MYL12B: variants seen among roughly 807,000 people sequenced by gnomAD.
MYL12B encodes myosin regulatory light chain 12B.
MYL12B carries 3 observed loss-of-function variants against 12.9 expected under a neutral mutation model. That is an observed-to-expected ratio of 0.23 (90% CI 0.11 to 0.60). The LOEUF is 0.60. MYL12B is among the 20% of genes least tolerant of loss of function. The pLI, the probability that MYL12B is intolerant of heterozygous loss-of-function variation, is 0.89. For missense variants in MYL12B, 120 were observed against 215.4 expected, an observed-to-expected ratio of 0.56 and a Z score of 2.77; for synonymous variants, 57 against 71.9, an observed-to-expected ratio of 0.79 and a Z score of 1.05.
intron 2 of MYL12B, 69 bp from the exon 3 acceptor site, chr18:3,277,184 A>C (rs913356421): frequency 1.4e-6 from 2 of 1,402,010 alleles, no homozygotes; most frequent in African/African-American, 2.9e-5. Context: ...TGGGGAGCAT[A>C]ATAATAGTGA....
intron 1 of MYL12B, among the ~76,000 whole-genome samples, chr18:3,269,836 G>C (rs1024014862): frequency 6.6e-6 from 1 of 152,234 alleles, no homozygotes; most frequent in African/African-American, 2.4e-5. Flanking sequence ...AACTGAGCTA[G>C]AGTAAGTCAA....
intron 1 of MYL12B, among the ~76,000 whole-genome samples, chr18:3,266,727 G>T (rs1475421708): frequency 6.6e-6 from 1 of 152,176 alleles, no homozygotes; most frequent in Non-Finnish European, 1.5e-5. Flanking sequence ...TATGTAAAAT[G>T]TTCAGTTTTT....
chr18:3,263,632 G>A (rs562764714), intron 1 of MYL12B, among the ~76,000 whole-genome samples: 14 of 152,218 alleles, frequency 9.2e-5, no homozygotes, highest in Non-Finnish European at 2.1e-4. Flanking sequence ...TTAGAGCCCC[G>A]ACATGGGGCT....
chr18:3,268,543 C>A (rs909665659), intron 1 of MYL12B, among the ~76,000 whole-genome samples: 2 of 152,196 alleles, frequency 1.3e-5, no homozygotes, highest in Non-Finnish European at 2.9e-5. Context: ...GAGTGCCACT[C>A]ACATTTCATT....
At chr18:3,274,334 C>T (rs936781197) in intron 2 of MYL12B, among the ~76,000 whole-genome samples, 1 of 152,190 alleles carries the variant, frequency 6.6e-6, no homozygotes, top group Non-Finnish European at 1.5e-5. Context: ...ATGGTAGAGT[C>T]AGAGGTTGTC....
chr18:3,277,542 C>T, intron 3 of MYL12B, 128 bp downstream of exon 3: 3 of 1,420,684 alleles, frequency 2.1e-6, no homozygotes, highest in Non-Finnish European at 2.8e-6. Context: ...AGCATATGAT[C>T]TGTTTCTGAG....
At chr18:3,276,661 A>G (rs1484876699) in intron 2 of MYL12B, 2 of 661,790 alleles carry the variant, frequency 3.0e-6, no homozygotes, top group African/African-American at 3.9e-5. Flanking sequence ...CATCTGTACC[A>G]CAACTGGAAG....
intron 2 of MYL12B, among the ~76,000 whole-genome samples, chr18:3,274,160 G>T (rs575563183): frequency 6.6e-6 from 1 of 152,238 alleles, no homozygotes; most frequent in Non-Finnish European, 1.5e-5. Flanking sequence ...ATAACCTAGT[G>T]TTTCTCACAT....
Position 3,273,081 on chromosome 18 carries a change from A to G in MYL12B, c.183A>G (p.Leu61=). The G allele has an allele frequency of 6.3e-7, 1 of 1,588,248 alleles. No homozygotes were observed. The highest frequency in any genetic ancestry group is 1.4e-5 in the African/African-American group (1 of 73,812). The change falls in exon 2 of 4, where the codon CTA becomes CTG. Residue 61 remains leucine (L), a splice_region_variant and synonymous_variant. Transcript: ENST00000237500. ...KEDLHDMLAS[L]GKNPTDAYLD... ...ATTTGCATGATATGCTTGCTTCTCT[A>G]GGTAGACTTTATATTCTTTATTTGT...
chr18:3,271,809 A>G (rs944351106), intron 1 of MYL12B, among the ~76,000 whole-genome samples: 4 of 152,018 alleles, frequency 2.6e-5, no homozygotes, highest in Admixed American at 6.6e-5. Flanking sequence ...TGAAATGACA[A>G]GTGCCTTTTC....
intron 1 of MYL12B, chr18:3,272,130 T>G (rs1355789778): frequency 2.0e-6 from 2 of 985,208 alleles, no homozygotes; most frequent in African/African-American, 3.5e-5. Context: ...GCTAGAAAGA[T>G]GAAAGGGTGG....
At position 3,262,226 on chromosome 18, in the gene MYL12B, G is replaced by A. The variant is rs577008793; in HGVS notation, c.-27G>A. On this transcript the variant is annotated 5_prime_UTR_variant, in exon 1 of 4. Transcript: ENST00000237500. ...CGCGCAGGGCGGCCCCGGTTCTGGT[G>A]TTTGGCGTCGGGTGAGTCGCGCTCG... The A allele has an allele frequency of 2.0e-5, 3 of 152,370 alleles. No individual in the cohort carries two copies. The East Asian group carries it at 5.8e-4, about 29-fold the overall frequency. 9.4% of individuals were successfully genotyped at this position (152,370 alleles called of 1,614,324 possible). A position where few individuals can be genotyped will look rare whatever the true frequency, so the allele number is the denominator to read the frequency against.
chr18:3,277,270 G>C lies in MYL12B; in HGVS notation c.202G>C (p.Ala68Pro). The C allele has an allele frequency of 6.2e-7, 1 of 1,608,162 alleles. No individual in the cohort carries two copies. Among genetic ancestry groups the C allele is most frequent in the South Asian group, 1.1e-5 (1 of 90,238 alleles). Residue 68 changes from alanine (A) to proline (P), a missense_variant, in exon 3 of 4, where the codon GCA (alanine) becomes CCA (proline). By Grantham distance (27) the Ala-to-Pro change is conservative (BLOSUM62 -1). Coordinates refer to ENST00000237500, the MANE Select transcript of MYL12B (RefSeq NM_033546.4). ...TCTTACAGGGAAGAATCCCACTGAT[G>C]CATACCTTGATGCCATGATGAATGA... Reference protein sequence around the residue: ...LASLGKNPTDAYLDAMMNEAP... With the variant: ...LASLGKNPTDPYLDAMMNEAP...
rs181626473 is a variant in MYL12B, at chr18:3,278,316, G to C, written c.*379G>C. ...GTTAAACAAATGATTGATAGGTGGG[G>C]GTAGTCCTTTTTTCAGGTTTTCAAC... On this transcript the variant is annotated 3_prime_UTR_variant, in exon 4 of 4. Transcript: ENST00000237500. 6.0e-6 allele frequency: 1 copy of C among 167,518 alleles called. No individual in the cohort carries two copies. 10.4% of individuals were successfully genotyped at this position (167,518 alleles called of 1,614,324 possible).
At chr18:3,266,586 C>G (rs993542466) in intron 1 of MYL12B, among the ~76,000 whole-genome samples, 14 of 143,118 alleles carry the variant, frequency 9.8e-5, no homozygotes, top group Non-Finnish European at 1.7e-4. Context: ...CAAACTAATA[C>G]CAGCTGGGAT....
At chr18:3,277,468 T>C (rs6506100) in intron 3 of MYL12B, 54 bp downstream of exon 3, 1,500,976 of 1,549,136 alleles carry the variant, frequency 0.97, 727,798 homozygotes, top group Non-Finnish European at 0.98. Context: ...AAAGTACTTC[T>C]GTGAAATAGA....
chr18:3,273,846 TG>T (rs1555636119), intron 2 of MYL12B, among the ~76,000 whole-genome samples: 1 of 78,464 alleles, frequency 1.3e-5, no homozygotes. Flanking sequence ...AAGAAAGAGG[TG>T]GGGGTTTTTT....
Position 3,264,477 on chromosome 18 carries a change from G to A in MYL12B, c.-16+2240G>A, listed in dbSNP as rs1047947540. Among the ~76,000 whole-genome samples the A allele has an allele frequency of 3.3e-5, 5 of 152,234 alleles. No homozygotes were observed. In the South Asian group the frequency reaches 1.0e-3, roughly 32 times the overall value. The stretch of plus-strand genomic sequence containing the variant: ...CTAATGCTTTGAGAAGCCAATGTGG[G>A]GGGATCATTTGAAGCCAGGGGTTCA... On this transcript the variant is annotated intron_variant, in intron 1 of 3. Coordinates refer to ENST00000237500, the MANE Select transcript of MYL12B (RefSeq NM_033546.4).
rs150425942 is a variant in MYL12B at position 3,277,967 on chromosome 18, A to C, written c.*30A>C. On this transcript the variant is annotated 3_prime_UTR_variant, in exon 4 of 4. Transcript: ENST00000237500. ...ACTTTAGCTAAAATCTTCCAGTTAC[A>C]TTGTCTTACTCTCTTTTACTTCTCA... 2 of 1,605,110 alleles carry C rather than the reference A, an allele frequency of 1.2e-6. No individual in the cohort carries two copies. Among genetic ancestry groups the C allele is most frequent in the Non-Finnish European group, 1.7e-6 (2 of 1,175,052 alleles).
Sources: gnomAD v4.1 joint callset for allele counts (sites outside exome capture counted in the v4.1 genomes callset) on GRCh38, gnomAD v4.1.1 for gene constraint, MANE v1.5 for transcripts, NCBI Gene and HGNC (gene_info 2026-07-23, HGNC 2026-07-21) for gene names.